Variants in PCDHGB7 observed in about 807,000 individuals in gnomAD.
The protein encoded by PCDHGB7 is protocadherin gamma subfamily B, 7.
A neutral mutation model predicts 61.4 loss-of-function variants in PCDHGB7; 37 were observed. The observed-to-expected ratio is 0.60, with a 90% CI of 0.46 to 0.79. PCDHGB7 has a LOEUF of 0.79. PCDHGB7 is among the 30% of genes least tolerant of loss of function. PCDHGB7 has a pLI of 0.00. For missense variants in PCDHGB7, 1,166 were observed against 1,202.5 expected (o/e 0.97, Z 0.45); for synonymous variants, 464 against 503.5 (o/e 0.92, Z 1.05).
intron 1 of PCDHGB7, among the ~76,000 whole-genome samples, chr5:141,458,719 G>A (rs891521416): frequency 5.9e-5 from 9 of 151,684 alleles, no homozygotes; most frequent in Non-Finnish European, 1.2e-4. Context: ...ACAGGTATTC[G>A]CCACCACATC....
At chr5:141,450,831 T>TATA (rs761717068) in intron 1 of PCDHGB7, among the ~76,000 whole-genome samples, 3 of 144,648 alleles carry the variant, frequency 2.1e-5, no homozygotes, top group Non-Finnish European at 4.5e-5. Flanking sequence ...TTATTATTAT[T>TATA]TTTTTTTTTT....
chr5:141,428,052 G>A (rs750852525), intron 1 of PCDHGB7: 6 of 1,608,992 alleles, frequency 3.7e-6, no homozygotes, highest in East Asian at 4.5e-5. Context: ...GACCAAGGTG[G>A]TGGCGGTGGA....
At chr5:141,437,047 G>C (rs2097860477) in intron 1 of PCDHGB7, among the ~76,000 whole-genome samples, 1 of 152,214 alleles carries the variant, frequency 6.6e-6, no homozygotes, top group Admixed American at 6.5e-5. Context: ...AAACCAGAAG[G>C]CTGGTGATCA....
Position 141,511,410 on chromosome 5 carries a change from T to TA in PCDHGB7, c.*238dup. On this transcript the variant is annotated 3_prime_UTR_variant, in exon 4 of 4. Coordinates refer to ENST00000398594, the MANE Select transcript of PCDHGB7 (RefSeq NM_018927.4). ...GGAACCCCCATCCAATCAACTGCTG[T>TA]ACCCATGGGGGTAGTGGGGTTACTG... The TA allele has an allele frequency of 1.1e-6, 1 of 908,822 alleles. No homozygotes were observed. The highest frequency in any genetic ancestry group is 1.6e-6 in the Non-Finnish European group (1 of 624,204). 56.3% of individuals were successfully genotyped at this position (908,822 alleles called of 1,614,324 possible).
chr5:141,493,641 G>A lies in PCDHGB7; in HGVS notation c.2416-1166G>A, dbSNP rs547664603. Among the ~76,000 whole-genome samples, 2 of 152,240 alleles carry A rather than the reference G, an allele frequency of 1.3e-5. No individual in the cohort carries two copies. The highest frequency in any genetic ancestry group is 3.9e-4 in the East Asian group (2 of 5,172). On this transcript the variant is annotated intron_variant, in intron 1 of 3. Coordinates refer to ENST00000398594, the MANE Select transcript of PCDHGB7 (RefSeq NM_018927.4). The surrounding 1 kb of genome is among the most constrained non-coding windows in gnomAD (Gnocchi z 4.3). The stretch of plus-strand genomic sequence containing the variant: ...CTAAGAATACAGTGGCTGAGGGCTG[G>A]CCATCCCTGTGCCCTTCTCCATGGC...
At position 141,489,748 on chromosome 5, in the gene PCDHGB7, T is replaced by C. The variant is rs763688648; in HGVS notation, c.2416-5059T>C. On this transcript the variant is annotated intron_variant, in intron 1 of 3. Transcript: ENST00000398594. The surrounding 1 kb of genome is among the most constrained non-coding windows in gnomAD (Gnocchi z 4.5). ...TGTGGGCACCAATACTGTGAGCTTT[T>C]ACACTCTAAGCCCCAACAGCCACTT... is the stretch of plus-strand genomic sequence containing the variant. The C allele has an allele frequency of 1.8e-5, 29 of 1,614,038 alleles. No homozygotes were observed. Among genetic ancestry groups the C allele is most frequent in the Non-Finnish European group, 1.6e-5 (19 of 1,180,010 alleles).
intron 1 of PCDHGB7, among the ~76,000 whole-genome samples, chr5:141,472,602 T>C (rs1032061805): frequency 4.6e-5 from 7 of 152,026 alleles, no homozygotes; most frequent in African/African-American, 1.4e-4. Context: ...CTTGAAATTA[T>C]AAAACAAAGA....
intron 1 of PCDHGB7, chr5:141,423,829 A>G: frequency 7.9e-7 from 1 of 1,268,964 alleles, no homozygotes; most frequent in Non-Finnish European, 9.9e-7. Flanking sequence ...GCCTTTCATG[A>G]GATTACGATA....
In PCDHGB7 at chr5:141,418,107, A is replaced by C; in HGVS notation, c.248A>C (p.Asp83Ala). ...LHFSVDAQSG[D>A]LLVKDRIDRE... ...TTCAGCGTAGACGCGCAGAGCGGGGACTTACTTGTGAAGGACCGAATAGAC... is the reference window on the plus strand; with the variant it reads ...TTCAGCGTAGACGCGCAGAGCGGGGCCTTACTTGTGAAGGACCGAATAGAC... The change falls in exon 1 of 4, where the codon GAC (aspartate) becomes GCC (alanine). Residue 83 changes from aspartate to alanine, a missense_variant. Physicochemically the swap from Asp to Ala is moderately radical, Grantham distance 126. Transcript: ENST00000398594. 1 of 1,614,036 alleles carries C rather than the reference A, an allele frequency of 6.2e-7. No homozygotes were observed. Among genetic ancestry groups the C allele is most frequent in the Non-Finnish European group, 8.5e-7 (1 of 1,179,900 alleles).
At position 141,485,704 on chromosome 5, in the gene PCDHGB7, CTT is replaced by C; in HGVS notation, c.2416-9101_2416-9100del. On this transcript the variant is annotated intron_variant, in intron 1 of 3. Coordinates refer to ENST00000398594, the MANE Select transcript of PCDHGB7 (RefSeq NM_018927.4). The surrounding 1 kb of genome is among the most constrained non-coding windows in gnomAD (Gnocchi z 5.7). ...GCTATAGGCTGAGCTCCAATGAACA[CTT>C]TGCACTGGATGTGAAGAAGCGCAGC... is the stretch of plus-strand genomic sequence containing the variant. 6.2e-7 allele frequency: 1 copy of C among 1,614,180 alleles called. No homozygotes were observed. The highest frequency in any genetic ancestry group is 8.5e-7 in the Non-Finnish European group (1 of 1,180,032).
Position 141,477,685 on chromosome 5 carries a change from G to A in PCDHGB7, c.2416-17122G>A, listed in dbSNP as rs1218415502. ...ACAATGGCATAGTGTCATCCTTAGT[G>A]CCCCTAGACTATGAGGATCGGCGGG... On this transcript the variant is annotated intron_variant, in intron 1 of 3. Transcript: ENST00000398594. This position sits in a 1 kb window ranked among gnomAD's most constrained non-coding sequence, Gnocchi z 4.9. The A allele has an allele frequency of 6.2e-7, 1 of 1,614,116 alleles. No individual in the cohort carries two copies. The highest frequency in any genetic ancestry group is 8.5e-7 in the Non-Finnish European group (1 of 1,180,040).
In PCDHGB7 at chr5:141,500,527, A is replaced by C. The variant is rs937551961; in HGVS notation, c.2475-4866A>C. On this transcript the variant is annotated intron_variant, in intron 2 of 3. Transcript: ENST00000398594. ...CCTGGCCGAGCTTCATTTTAAAAAA[A>C]TCTCATTCACCTAAATAAGTTGTTC... is the stretch of plus-strand genomic sequence containing the variant. 5.9e-5 allele frequency among the ~76,000 whole-genome samples: 9 copies of C among 152,298 alleles called. No individual in the cohort carries two copies. The South Asian group carries it at 6.2e-4, about 11-fold the overall frequency.
At chr5:141,505,650 T>C (rs1595974645) in intron 3 of PCDHGB7, among the ~76,000 whole-genome samples, 169 bp downstream of exon 3, 1 of 152,094 alleles carries the variant, frequency 6.6e-6, no homozygotes, top group East Asian at 1.9e-4. Flanking sequence ...GAATTGTGGC[T>C]AAGGAACAGC....
intron 1 of PCDHGB7, among the ~76,000 whole-genome samples, chr5:141,459,646 T>C (rs2098972004): frequency 6.6e-6 from 1 of 152,266 alleles, no homozygotes; most frequent in Non-Finnish European, 1.5e-5. Context: ...TTTTTCAAAA[T>C]GGTAATATCA....
chr5:141,499,401 C>A lies in PCDHGB7; in HGVS notation c.2474+4536C>A, dbSNP rs115575614. ...TTCCACTTATAAAATAGTACATGCTCATTATAGAAACATGAAAAATAGAAA... is the reference window on the plus strand; with the variant it reads ...TTCCACTTATAAAATAGTACATGCTAATTATAGAAACATGAAAAATAGAAA... On this transcript the variant is annotated intron_variant, in intron 2 of 3. Coordinates refer to ENST00000398594, the MANE Select transcript of PCDHGB7 (RefSeq NM_018927.4). Among the ~76,000 whole-genome samples, 871 of 152,186 alleles carry A rather than the reference C, an allele frequency of 5.7e-3. 5 individuals are homozygous for A. Among genetic ancestry groups the A allele is most frequent in the African/African-American group, 0.02 (847 of 41,502 alleles).
Position 141,417,831 on chromosome 5 carries a change from C to T in PCDHGB7, c.-29C>T. 8 of 1,526,966 alleles carry T rather than the reference C, an allele frequency of 5.2e-6. No homozygotes were observed. The highest frequency in any genetic ancestry group is 7.1e-6 in the Non-Finnish European group (8 of 1,133,926). The allele number at this position is 1,526,966 out of a possible 1,614,324, so 94.6% of individuals were successfully genotyped here. On this transcript the variant is annotated 5_prime_UTR_variant, in exon 1 of 4. Transcript: ENST00000398594. Reference sequence around the variant, plus strand: ...AGTGCACTTTCTCCAACTGGAAAAGCGGGGACCCAGCGAGAACCCGAGCGA... The same window carrying T: ...AGTGCACTTTCTCCAACTGGAAAAGTGGGGACCCAGCGAGAACCCGAGCGA...
At chr5:141,421,120 G>T (rs747126094) in intron 1 of PCDHGB7, 4 of 779,870 alleles carry the variant, frequency 5.1e-6, no homozygotes, top group Non-Finnish European at 7.9e-6. Flanking sequence ...ATTTTCCTTC[G>T]CTTTCTGATA....
intron 1 of PCDHGB7, chr5:141,422,866 G>C: frequency 1.2e-6 from 2 of 1,614,216 alleles, no homozygotes; most frequent in Non-Finnish European, 8.5e-7. Context: ...CAGCAGCAAC[G>C]TGTCGCTGAG....
At chr5:141,433,099 C>T (rs1003269683) in intron 1 of PCDHGB7, 1 of 1,614,190 alleles carries the variant, frequency 6.2e-7, no homozygotes, top group Non-Finnish European at 8.5e-7. Context: ...ACATGCTCGT[C>T]AGCCAGGAGA....
Sources: gnomAD v4.1 joint callset for allele counts (sites outside exome capture counted in the v4.1 genomes callset) on GRCh38, gnomAD v4.1.1 for gene constraint, Gnocchi (gnomAD v3.1) non-coding constraint, MANE v1.5 for transcripts, NCBI Gene and HGNC (gene_info 2026-07-23, HGNC 2026-07-21) for gene names.